Variants in FRMD6 observed in about 807,000 individuals in gnomAD.
FRMD6 encodes the protein FERM domain containing 6, also known as FERM domain-containing protein 6.
FRMD6 carries 37 observed loss-of-function variants against 73.2 expected under a neutral mutation model. The observed-to-expected ratio is 0.51, with a 90% CI of 0.39 to 0.66. The LOEUF is 0.66. FRMD6 is among the 30% of genes least tolerant of loss of function. FRMD6 has a pLI of 0.00. For missense variants in FRMD6, 714 were observed against 780.5 expected, an observed-to-expected ratio of 0.91 and a Z score of 1.02; for synonymous variants, 273 against 282.2, an observed-to-expected ratio of 0.97 and a Z score of 0.33.
chr14:51,634,132 C>T (rs1451458257), intron 2 of FRMD6, among the ~76,000 whole-genome samples: 2 of 152,210 alleles, frequency 1.3e-5, no homozygotes, highest in Admixed American at 6.5e-5. Flanking sequence ...TATATAACTA[C>T]ATCTTCATAC....
At chr14:51,681,277 T>C (rs1894776111) in intron 1 of FRMD6, among the ~76,000 whole-genome samples, 1 of 152,224 alleles carries the variant, frequency 6.6e-6, no homozygotes, top group African/African-American at 2.4e-5. Context: ...ACCATTTATT[T>C]AGATTTCAAG....
At chr14:51,702,459 A>G in intron 4 of FRMD6, 53 bp from the exon 5 acceptor site, 1 of 1,483,656 alleles carries the variant, frequency 6.7e-7, no homozygotes, top group Non-Finnish European at 9.4e-7. Context: ...TTTGAAACCC[A>G]TTTTCAAAGT....
At chr14:51,708,569 T>C (rs1566584841) in intron 7 of FRMD6, among the ~76,000 whole-genome samples, 1 of 152,114 alleles carries the variant, frequency 6.6e-6, no homozygotes, top group Non-Finnish European at 1.5e-5. Flanking sequence ...GGAATAGCAT[T>C]TGCAACTTCT....
At chr14:51,727,052 G>GTA (rs1176215680) in intron 13 of FRMD6, among the ~76,000 whole-genome samples, 1 of 151,830 alleles carries the variant, frequency 6.6e-6, no homozygotes, top group African/African-American at 2.4e-5. Flanking sequence ...CCCCTGCTGT[G>GTA]TACAGCATTT....
At chr14:51,626,558 A>G (rs1956574) in intron 2 of FRMD6, among the ~76,000 whole-genome samples, 35,459 of 152,122 alleles carry the variant, frequency 0.23, 4,508 homozygotes, top group East Asian at 0.31. Context: ...TAAATGTGAA[A>G]TCCCAAATAC....
chr14:51,721,703 GAA>G (rs1897588304), intron 11 of FRMD6, among the ~76,000 whole-genome samples: 2 of 132,526 alleles, frequency 1.5e-5, no homozygotes, highest in South Asian at 2.8e-4. Flanking sequence ...AGGAAGGAAG[GAA>G]GGAAGGAAGG....
chr14:51,718,671 G>C (rs1050342001), intron 10 of FRMD6, among the ~76,000 whole-genome samples: 3 of 152,214 alleles, frequency 2.0e-5, no homozygotes, highest in Non-Finnish European at 4.4e-5. Context: ...TTGTTGTGAT[G>C]ATATGTGCGT....
intron 10 of FRMD6, among the ~76,000 whole-genome samples, chr14:51,716,266 TC>T (rs1897238272): frequency 6.6e-6 from 1 of 152,064 alleles, no homozygotes; most frequent in Admixed American, 6.5e-5. Context: ...ACCCTAATCC[TC>T]AAAACTGCTA....
chr14:51,482,890 C>CG, the FRMD6 span, among the ~76,000 whole-genome samples: 4 of 151,760 alleles, frequency 2.6e-5, no homozygotes, highest in Admixed American at 6.6e-5. Context: ...TTAGTAGAGA[C>CG]GGGGGGTTTC....
At chr14:51,498,377 T>C (rs147930594) in intron 1 of FRMD6, among the ~76,000 whole-genome samples, 3 of 151,994 alleles carry the variant, frequency 2.0e-5, no homozygotes, top group African/African-American at 7.2e-5. Flanking sequence ...CAATGCCACA[T>C]ATTTTAATTT....
At chr14:51,724,986 A>G (rs1897868554) in intron 12 of FRMD6, among the ~76,000 whole-genome samples, 1 of 152,080 alleles carries the variant, frequency 6.6e-6, no homozygotes. Flanking sequence ...TGCTTAGGTT[A>G]GGTGCTCTGT....
chr14:51,442,648 C>A, the FRMD6 span, among the ~76,000 whole-genome samples: 1 of 152,176 alleles, frequency 6.6e-6, no homozygotes, highest in Non-Finnish European at 1.5e-5. Flanking sequence ...AGAAACTATG[C>A]CTTTTAAATG....
chr14:51,702,388 A>C lies in FRMD6; in HGVS notation c.295-124A>C, dbSNP rs1454925152. ...CCTACTACAAGCCCCTACTCATTATAAGTAAATAAAACCTATCAGTGATCA... is the reference window on the plus strand; with the variant it reads ...CCTACTACAAGCCCCTACTCATTATCAGTAAATAAAACCTATCAGTGATCA... On this transcript the variant is annotated intron_variant, in intron 4 of 13. Transcript: ENST00000344768. The C allele has an allele frequency of 6.7e-6, 5 of 746,948 alleles. No individual in the cohort carries two copies. In the East Asian group the frequency reaches 1.3e-4, roughly 19 times the overall value. The allele number at this position is 746,948 out of a possible 1,614,324, so 46.3% of individuals were successfully genotyped here.
In FRMD6 at chr14:51,708,214, A is replaced by G. The variant is rs745943289; in HGVS notation, c.695A>G (p.His232Arg). 1.2e-6 allele frequency: 2 copies of G among 1,613,038 alleles called. No individual in the cohort carries two copies. Among genetic ancestry groups the G allele is most frequent in the Non-Finnish European group, 1.7e-6 (2 of 1,179,330 alleles). The change falls in exon 7 of 14, where the codon CAT (histidine) becomes CGT (arginine). Residue 232 changes from histidine (H) to arginine (R), a missense_variant. Transcript: ENST00000344768. ...GTCCGACTGGATGACGTCGCTGTTCATTACTACAGATTGTATAAGGTATGA... is the reference window on the plus strand; with the variant it reads ...GTCCGACTGGATGACGTCGCTGTTCGTTACTACAGATTGTATAAGGTATGA... ...EAVRLDDVAV[H>R]YYRLYKDKRE...
At chr14:51,595,553 G>T (rs114917606) in intron 2 of FRMD6, among the ~76,000 whole-genome samples, 157 of 152,272 alleles carry the variant, frequency 1.0e-3, no homozygotes, top group Middle Eastern at 0.01. Context: ...GAAAGAAAAA[G>T]AACATTTATA....
chr14:51,656,544 G>T (rs865813018), intron 1 of FRMD6, among the ~76,000 whole-genome samples: 1 of 151,912 alleles, frequency 6.6e-6, no homozygotes. Flanking sequence ...CTCCCGAGTA[G>T]CTGGGATTAT....
intron 8 of FRMD6, among the ~76,000 whole-genome samples, 160 bp from the exon 9 acceptor site, chr14:51,712,323 T>A (rs1023449554): frequency 2.0e-5 from 3 of 152,226 alleles, no homozygotes; most frequent in Admixed American, 2.0e-4. Flanking sequence ...AGAATTGTTA[T>A]CATGAATCTT....
the FRMD6 span, among the ~76,000 whole-genome samples, chr14:51,413,164 T>C: frequency 0.32 from 47,820 of 151,642 alleles, 8,318 homozygotes; most frequent in African/African-American, 0.46. Flanking sequence ...CTAATTTTTC[T>C]ATTTTTTAAT....
intron 1 of FRMD6, among the ~76,000 whole-genome samples, chr14:51,513,073 T>A (rs1884407922): frequency 6.6e-6 from 1 of 152,136 alleles, no homozygotes; most frequent in South Asian, 2.1e-4. Context: ...GCCCTGACAA[T>A]GGTAGGAAGA....
Sources: gnomAD v4.1 joint callset for allele counts (sites outside exome capture counted in the v4.1 genomes callset) on GRCh38, gnomAD v4.1.1 for gene constraint, MANE v1.5 for transcripts, NCBI Gene and HGNC (gene_info 2026-07-23, HGNC 2026-07-21) for gene names.